CSMD1: variants seen among roughly 807,000 people sequenced by gnomAD.
The protein encoded by CSMD1 is CUB and sushi domain-containing protein 1.
Under a neutral mutation model 417.5 loss-of-function variants are expected in CSMD1, and 213 were observed. The ratio of observed to expected loss-of-function variants is 0.51; its 90% CI spans 0.46 to 0.57. The LOEUF (loss-of-function observed/expected upper bound fraction) is 0.57. Ranked by LOEUF, CSMD1 falls within the 20% of genes least tolerant of loss-of-function variation. The probability of loss-of-function intolerance (pLI) is 0.00; values close to 1 mark genes in which losing one functional copy is unlikely to be tolerated. For synonymous variants in CSMD1, 2,862 were observed against 1,736.8 expected, an observed-to-expected ratio of 1.65 and a Z score of -16.11; for missense variants, 6,923 against 4,529.7, an observed-to-expected ratio of 1.53 and a Z score of -15.17.
rs193135080 is a variant in CSMD1, at chr8:4,050,112, A to G, written c.416-18013T>C. Among the ~76,000 whole-genome samples the G allele has an allele frequency of 3.3e-5, 5 of 152,254 alleles. No homozygotes were observed. In the East Asian group the frequency reaches 9.6e-4, roughly 29 times the overall value. ...CACCAGGTTGTGGGTTGTTGGGAAG[A>G]TCACAGAGGTAAAGAACACTTCTCG... On this transcript the variant is annotated intron_variant, in intron 3 of 69. Transcript: ENST00000635120.
chr8:3,604,507 G>T (rs1316941907), intron 8 of CSMD1, among the ~76,000 whole-genome samples: 1 of 152,088 alleles, frequency 6.6e-6, no homozygotes, highest in Non-Finnish European at 1.5e-5. Context: ...TGCTAAAGAG[G>T]AGAGCCAATA....
At chr8:3,181,477 G>A (rs1222838177) in intron 36 of CSMD1, among the ~76,000 whole-genome samples, 2 of 152,096 alleles carry the variant, frequency 1.3e-5, no homozygotes, top group South Asian at 2.1e-4. Flanking sequence ...TGTAGCATGA[G>A]GTTTTTTTGC....
At chr8:3,661,403 C>G (rs1310652465) in intron 7 of CSMD1, among the ~76,000 whole-genome samples, 2 of 152,168 alleles carry the variant, frequency 1.3e-5, no homozygotes, top group Non-Finnish European at 2.9e-5. Flanking sequence ...GTGTATAAAT[C>G]TTCTTCCACC....
chr8:4,111,934 G>C (rs566212414), intron 3 of CSMD1, among the ~76,000 whole-genome samples: 69 of 152,048 alleles, frequency 4.5e-4, no homozygotes, highest in Middle Eastern at 3.4e-3. Flanking sequence ...AATAAATAAA[G>C]TATGGCAAAA....
intron 3 of CSMD1, among the ~76,000 whole-genome samples, chr8:4,373,364 G>C (rs547170007): frequency 1.4e-4 from 22 of 152,312 alleles, no homozygotes; most frequent in Admixed American, 9.1e-4. Context: ...GTCACTGTTG[G>C]TTTATTAACT....
At chr8:4,086,748 G>A (rs1218956495) in intron 3 of CSMD1, among the ~76,000 whole-genome samples, 1 of 152,148 alleles carries the variant, frequency 6.6e-6, no homozygotes, top group East Asian at 1.9e-4. Context: ...TGAGTTTCTG[G>A]TCAATTAATT....
chr8:4,446,763 G>C (rs1217544), intron 2 of CSMD1, among the ~76,000 whole-genome samples: 1,031 of 76,446 alleles, frequency 0.013, 9 homozygotes, highest in African/African-American at 0.057. Context: ...GTCTGTGTGT[G>C]TGTGTGTGTG....
chr8:3,956,886 G>T (rs1811984795), intron 5 of CSMD1, among the ~76,000 whole-genome samples: 2 of 152,132 alleles, frequency 1.3e-5, no homozygotes, highest in South Asian at 2.1e-4. Flanking sequence ...AAATGTACAG[G>T]TGATTATCTC....
At chr8:3,907,268 T>C (rs1171423317) in intron 5 of CSMD1, among the ~76,000 whole-genome samples, 2 of 152,232 alleles carry the variant, frequency 1.3e-5, no homozygotes, top group Non-Finnish European at 2.9e-5. Context: ...CGTAAGTCTT[T>C]ACATGCATTT....
intron 1 of CSMD1, among the ~76,000 whole-genome samples, chr8:4,835,651 C>A (rs868451776): frequency 6.6e-6 from 1 of 152,090 alleles, no homozygotes; most frequent in Non-Finnish European, 1.5e-5. Context: ...TGAAAGACAT[C>A]GGTGAGTTTG....
chr8:3,328,600 T>C (rs919379303), intron 23 of CSMD1, among the ~76,000 whole-genome samples: 2 of 152,182 alleles, frequency 1.3e-5, no homozygotes, highest in Admixed American at 1.3e-4. Flanking sequence ...CCAATGTACA[T>C]ATAGTGGGCT....
intron 1 of CSMD1, among the ~76,000 whole-genome samples, chr8:4,915,886 A>C (rs113055794): frequency 2.0e-3 from 304 of 152,350 alleles, no homozygotes; most frequent in Non-Finnish European, 3.5e-3. Context: ...TCAGCAAGCC[A>C]TAAGTGCCAG....
intron 36 of CSMD1, chr8:3,183,179 A>G (rs1821527984): frequency 7.5e-6 from 1 of 134,000 alleles, no homozygotes; most frequent in African/African-American, 2.7e-5. Context: ...GTAGGTCTCT[A>G]ACGCCTAATC....
At chr8:3,358,997 C>G (rs895768235) in intron 21 of CSMD1, among the ~76,000 whole-genome samples, 155 bp downstream of exon 21, 1 of 152,130 alleles carries the variant, frequency 6.6e-6, no homozygotes, top group African/African-American at 2.4e-5. Flanking sequence ...AGTTAGGCAG[C>G]TCCCCTCTCC....
At chr8:3,596,633 C>T (rs866619002) in intron 8 of CSMD1, among the ~76,000 whole-genome samples, 1 of 152,118 alleles carries the variant, frequency 6.6e-6, no homozygotes, top group Non-Finnish European at 1.5e-5. Flanking sequence ...CAAAACTTTG[C>T]AATTTTTTTT....
intron 7 of CSMD1, among the ~76,000 whole-genome samples, chr8:3,688,286 A>G (rs1271494178): frequency 1.3e-5 from 2 of 152,210 alleles, no homozygotes; most frequent in Non-Finnish European, 2.9e-5. Context: ...GAAACGGACT[A>G]TAATAGAGGT....
At chr8:3,547,471 CGT>C (rs1424372023) in intron 10 of CSMD1, among the ~76,000 whole-genome samples, 1 of 152,110 alleles carries the variant, frequency 6.6e-6, no homozygotes, top group African/African-American at 2.4e-5. Flanking sequence ...AATGATTGTC[CGT>C]AATGTTTTCC....
intron 40 of CSMD1, among the ~76,000 whole-genome samples, chr8:3,149,499 G>C (rs886155157): frequency 1.3e-5 from 2 of 152,040 alleles, no homozygotes; most frequent in South Asian, 2.1e-4. Context: ...TACTTATTGA[G>C]ACAGAGTCTC....
intron 3 of CSMD1, among the ~76,000 whole-genome samples, chr8:4,114,675 G>C (rs1253532522): frequency 6.6e-6 from 1 of 152,168 alleles, no homozygotes; most frequent in African/African-American, 2.4e-5. Context: ...AAGAAAAATT[G>C]TGCTTCATGG....
Sources: gnomAD v4.1 joint callset for allele counts (sites outside exome capture counted in the v4.1 genomes callset) on GRCh38, gnomAD v4.1.1 for gene constraint, MANE v1.5 for transcripts, NCBI Gene and HGNC (gene_info 2026-07-23, HGNC 2026-07-21) for gene names.